Variants in FAM153A observed in about 807,000 individuals in gnomAD.
FAM153A encodes the protein protein FAM153A.
In FAM153A, 12 loss-of-function variants were observed where a neutral mutation model predicts 48.1. That is an observed-to-expected ratio of 0.25 (90% CI 0.16 to 0.40). The LOEUF (loss-of-function observed/expected upper bound fraction) is 0.40. Among genes scored for constraint, FAM153A ranks in the 10% least tolerant of loss-of-function variants. FAM153A has a pLI of 1.00. For missense variants in FAM153A, 111 were observed against 345.8 expected (o/e 0.32, Z 5.38); for synonymous variants, 36 against 118.2 (o/e 0.30, Z 4.51).
At chr5:177,704,569 G>A (rs1217461080), downstream of FAM153A, among the ~76,000 whole-genome samples, 1 of 150,006 alleles carries the variant, frequency 6.7e-6, no homozygotes, top group Non-Finnish European at 1.5e-5. Flanking sequence ...GGACCATGGA[G>A]GCGGTTTCTC....
rs1195922689 is a variant in FAM153A at position 177,759,971 on chromosome 5, T to TAA, written c.-56-11274_-56-11273dup. Among the ~76,000 whole-genome samples, 44 of 140,958 alleles carry TAA rather than the reference T, an allele frequency of 3.1e-4. No homozygotes were observed. In the South Asian group the frequency reaches 7.0e-3, roughly 22 times the overall value. 92.5% of individuals were successfully genotyped at this position (140,958 alleles called of 152,430 possible). ...AGTATAATAAACAAAAAGTAAAAAATAAAAAAAAACAAAAAAAACTGCATT... is the reference window on the plus strand; with the variant it reads ...AGTATAATAAACAAAAAGTAAAAAATAAAAAAAAAAACAAAAAAAACTGCATT... On this transcript the variant is annotated intron_variant, in intron 1 of 8. Transcript: ENST00000393518.
the FAM153A span, among the ~76,000 whole-genome samples, chr5:177,701,812 G>T: frequency 6.6e-6 from 1 of 151,856 alleles, no homozygotes; most frequent in African/African-American, 2.4e-5. Context: ...TGGTTGAATG[G>T]TTAGATCAAA....
chr5:177,728,410 A>G (rs4079418), intron 18 of FAM153A, among the ~76,000 whole-genome samples: 124 of 146,678 alleles, frequency 8.5e-4, no homozygotes, highest in African/African-American at 2.4e-3. Flanking sequence ...ACACACACTC[A>G]CAAAGACATC....
At position 177,753,086 on chromosome 5, in the gene FAM153A, A is replaced by G. The variant is rs1211304665; in HGVS notation, c.31+90T>C. 83 of 931,514 alleles carry G rather than the reference A, an allele frequency of 8.9e-5. 1 individual carries two copies. Among genetic ancestry groups the G allele is most frequent in the South Asian group, 4.4e-4 (30 of 67,626 alleles). 57.7% of individuals were successfully genotyped at this position (931,514 alleles called of 1,614,324 possible). ...TCTGTAGACAAATAGGAGCTGGGGA[A>G]ATTAAAAAAATCAGAATGACATTTA... On this transcript the variant is annotated intron_variant, in intron 1 of 20. Coordinates refer to ENST00000614127, the Ensembl canonical transcript of FAM153A.
chr5:177,739,153 G>T lies in FAM153A; in HGVS notation c.538-16C>A, dbSNP rs778746286. 6.2e-7 allele frequency: 1 copy of T among 1,612,332 alleles called. No homozygotes were observed. The highest frequency in any genetic ancestry group is 1.1e-5 in the South Asian group (1 of 91,000). On this transcript the variant is annotated splice_polypyrimidine_tract_variant and intron_variant, in intron 9 of 20. Coordinates refer to ENST00000614127, the Ensembl canonical transcript of FAM153A. ...CTGCGTCTGCCTGCGTTTAGAGAAA[G>T]AAAAACACCATGAGGGTAAGATCAT...
At chr5:177,766,237 T>TA (rs1451887286) in intron 1 of FAM153A, among the ~76,000 whole-genome samples, 1 of 104,994 alleles carries the variant, frequency 9.5e-6, no homozygotes, top group Non-Finnish European at 2.1e-5. Context: ...TTCCTATATA[T>TA]AAAAAAACTA....
chr5:177,698,976 A>G, the FAM153A span, among the ~76,000 whole-genome samples: 1 of 151,036 alleles, frequency 6.6e-6, no homozygotes, highest in Admixed American at 6.6e-5. Flanking sequence ...AATTTAAACA[A>G]TTTTTTTAGA....
chr5:177,713,337 G>A (rs1009736622), intron 26 of FAM153A, among the ~76,000 whole-genome samples: 1 of 147,846 alleles, frequency 6.8e-6, no homozygotes, highest in African/African-American at 2.5e-5. Flanking sequence ...TGCAAGCTCC[G>A]CCTCCTGGCT....
rs930874102 is a variant in FAM153A at position 177,730,232 on chromosome 5, G to A, written c.863-677C>T. On this transcript the variant is annotated intron_variant, in intron 16 of 20. Coordinates refer to ENST00000614127, the Ensembl canonical transcript of FAM153A. The stretch of plus-strand genomic sequence containing the variant: ...GACAGCCTGTCATGGGGAGCAGCGA[G>A]GGGGTGCGGGGGGCGGGCACTGACC... Among the ~76,000 whole-genome samples the A allele has an allele frequency of 1.7e-5, 2 of 116,280 alleles. 1 individual carries two copies. The highest frequency in any genetic ancestry group is 1.9e-4 in the Admixed American group (2 of 10,674). 76.3% of individuals were successfully genotyped at this position (116,280 alleles called of 152,430 possible). A position where few individuals can be genotyped will look rare whatever the true frequency, so the allele number is the denominator to read the frequency against.
At chr5:177,739,011 G>C (rs1765131338) in intron 10 of FAM153A, 102 bp downstream of exon 12, 2 of 896,102 alleles carry the variant, frequency 2.2e-6, no homozygotes. Context: ...CCAATAGGAA[G>C]CTCCAATGAG....
upstream of FAM153A, among the ~76,000 whole-genome samples, chr5:177,755,120 C>T (rs1044995080): frequency 1.3e-5 from 2 of 151,760 alleles, no homozygotes; most frequent in Non-Finnish European, 2.9e-5. Flanking sequence ...CTAGAATAAC[C>T]AATGCAGAGA....
At chr5:177,736,510 C>T in intron 12 of FAM153A, 69 bp downstream of exon 14, 1 of 1,459,506 alleles carries the variant, frequency 6.9e-7, no homozygotes. Context: ...CAAAGGCAGG[C>T]AAAACAGTGC....
intron 1 of FAM153A, among the ~76,000 whole-genome samples, chr5:177,771,692 A>G (rs1769118671): frequency 1.0e-5 from 1 of 97,096 alleles, no homozygotes; most frequent in Non-Finnish European, 2.1e-5. Context: ...AAGTGTTTAT[A>G]GAAACAATGC....
chr5:177,718,626 TAA>T (rs1379582461), downstream of FAM153A: 2 of 132,870 alleles, frequency 1.5e-5, 1 homozygote, highest in Non-Finnish European at 3.4e-5. Flanking sequence ...TAAGAAAAAA[TAA>T]AACAGGCTCT....
the FAM153A span, among the ~76,000 whole-genome samples, chr5:177,698,240 C>T: frequency 1.3e-5 from 2 of 151,944 alleles, no homozygotes; most frequent in African/African-American, 2.4e-5. Flanking sequence ...TCTTAAAAGG[C>T]TCTTGTGTGC....
rs909597160 is a variant in FAM153A, at chr5:177,750,042, T to C, written c.175+867A>G. The C allele has an allele frequency of 3.4e-5, 5 of 149,154 alleles. 1 individual carries two copies. The highest frequency in any genetic ancestry group is 1.3e-4 in the African/African-American group (5 of 39,992). The allele number at this position is 149,154 out of a possible 1,614,324, so 9.2% of individuals were successfully genotyped here. ...AACTAACCCTGTTCGATGAAACCAATGGACTATTGTTCACTGATAAGAATT... is the reference window on the plus strand; with the variant it reads ...AACTAACCCTGTTCGATGAAACCAACGGACTATTGTTCACTGATAAGAATT... On this transcript the variant is annotated intron_variant, in intron 2 of 20. Coordinates refer to ENST00000614127, the Ensembl canonical transcript of FAM153A.
At chr5:177,706,328 C>G (rs1460156248), downstream of FAM153A, among the ~76,000 whole-genome samples, 1 of 151,730 alleles carries the variant, frequency 6.6e-6, no homozygotes, top group African/African-American at 2.4e-5. Flanking sequence ...TCCTGAGTAG[C>G]TGGGACTACA....
the FAM153A span, among the ~76,000 whole-genome samples, chr5:177,701,294 T>C: frequency 1.3e-5 from 2 of 151,828 alleles, no homozygotes; most frequent in South Asian, 2.1e-4. Context: ...CCAGGCATGG[T>C]GGCTCATGCC....
At chr5:177,758,791 A>G (rs377662905) in intron 1 of FAM153A, among the ~76,000 whole-genome samples, 19,320 of 113,310 alleles carry the variant, frequency 0.17, 1,902 homozygotes, top group South Asian at 0.26. Flanking sequence ...AGCTGAAACT[A>G]GATCCCTTCC....
Sources: allele counts gnomAD v4.1 joint callset (sites outside exome capture counted in the v4.1 genomes callset), GRCh38; gene constraint gnomAD v4.1.1; transcripts MANE v1.5; gene names NCBI Gene and HGNC (gene_info 2026-07-23, HGNC 2026-07-21).